Variants in GLRA2 observed in about 807,000 individuals in gnomAD.
The protein encoded by GLRA2 is glycine receptor subunit alpha-2.
GLRA2 carries 11 observed loss-of-function variants against 31.6 expected under a neutral mutation model. That is an observed-to-expected ratio of 0.35 (90% CI 0.22 to 0.58). The LOEUF is 0.58. Ranked by LOEUF, GLRA2 falls within the 20% of genes least tolerant of loss-of-function variation. GLRA2 has a pLI of 0.84. For missense variants in GLRA2, 212 were observed against 351.8 expected (o/e 0.60, Z 3.18); for synonymous variants, 132 against 134.0 (o/e 0.99, Z 0.10).
chrX:14,529,138 T>G (rs1224127853), upstream of GLRA2, among the ~76,000 whole-genome samples: 1 of 111,082 alleles, frequency 9.0e-6, no homozygotes, highest in Non-Finnish European at 1.9e-5. Context: ...AAGAGTGAAC[T>G]GTCCACACCC....
chrX:14,574,680 A>G (rs1000779937), intron 3 of GLRA2: 1 of 521,813 alleles, frequency 1.9e-6, no homozygotes, highest in African/African-American at 2.3e-5. Flanking sequence ...TCGCCTCTGA[A>G]AAGCAATAAT....
chrX:14,593,777 C>G (rs186476906), intron 4 of GLRA2, among the ~76,000 whole-genome samples: 4 of 113,094 alleles, frequency 3.5e-5, no homozygotes, highest in Admixed American at 1.9e-4. Context: ...CCCTTACCTT[C>G]CTTAACACAT....
At chrX:14,502,022 A>G in the GLRA2 span, among the ~76,000 whole-genome samples, 2 of 111,486 alleles carry the variant, frequency 1.8e-5, no homozygotes, top group African/African-American at 6.5e-5. Context: ...GACCCACTCC[A>G]ATAACCTCAT....
the GLRA2 span, among the ~76,000 whole-genome samples, chrX:14,499,888 G>T: frequency 1.5e-3 from 170 of 110,765 alleles, 2 homozygotes; most frequent in African/African-American, 4.9e-3. Flanking sequence ...AATTTATTCA[G>T]GTCTTTTGCC....
chrX:14,520,935 T>C, the GLRA2 span, among the ~76,000 whole-genome samples: 1 of 112,794 alleles, frequency 8.9e-6, no homozygotes, highest in Admixed American at 9.4e-5. Flanking sequence ...CATTTTTTAT[T>C]ACTATGCTTC....
intron 2 of GLRA2, among the ~76,000 whole-genome samples, chrX:14,569,807 AT>A (rs1334548362): frequency 5.3e-5 from 6 of 112,616 alleles, no homozygotes; most frequent in Non-Finnish European, 1.1e-4. Flanking sequence ...GTGTGTAAAT[AT>A]TCATTGCAGC....
chrX:14,644,659 G>A (rs2090810933), intron 7 of GLRA2, among the ~76,000 whole-genome samples: 1 of 111,421 alleles, frequency 9.0e-6, no homozygotes, highest in Admixed American at 9.5e-5. Context: ...TTTAGAGAAT[G>A]GATTTTATTG....
At position 14,531,239 on chromosome X, in the gene GLRA2, T is replaced by C. The variant is rs2089251440; in HGVS notation, c.69-1000T>C. On this transcript the variant is annotated intron_variant, in intron 1 of 8. Transcript: ENST00000218075. ...TCCTACAAAATATTTATATCATCTT[T>C]GCACTTATTTTGAATACCCCTTCTT... 39 of 637,733 alleles carry C rather than the reference T, an allele frequency of 6.1e-5. No individual in the cohort carries two copies. The South Asian group carries it at 9.6e-4, about 16-fold the overall frequency. 52.6% of individuals were successfully genotyped at this position (637,733 alleles called of 1,213,427 possible).
chrX:14,579,989 CT>C (rs1263127199), intron 3 of GLRA2, among the ~76,000 whole-genome samples: 3 of 111,563 alleles, frequency 2.7e-5, no homozygotes, highest in Non-Finnish European at 5.7e-5. Flanking sequence ...ATTTTTTTCC[CT>C]TTTGATCCTG....
At chrX:14,677,431 G>A (rs953566174) in intron 7 of GLRA2, among the ~76,000 whole-genome samples, 8 of 111,709 alleles carry the variant, frequency 7.2e-5, no homozygotes, top group Admixed American at 3.8e-4. Flanking sequence ...TGCATGAAGC[G>A]AAGACTAAAC....
At chrX:14,569,947 C>T (rs1244908751) in intron 2 of GLRA2, among the ~76,000 whole-genome samples, 1 of 112,231 alleles carries the variant, frequency 8.9e-6, no homozygotes, top group East Asian at 2.8e-4. Flanking sequence ...ATACATGCTA[C>T]AACATGGATG....
the GLRA2 span, among the ~76,000 whole-genome samples, chrX:14,452,758 A>G: frequency 8.9e-6 from 1 of 112,146 alleles, no homozygotes; most frequent in African/African-American, 3.2e-5. Flanking sequence ...GCTTAGTGAT[A>G]AGAGTATGCA....
intron 2 of GLRA2, among the ~76,000 whole-genome samples, chrX:14,572,179 C>T (rs1366124220): frequency 1.8e-5 from 2 of 112,076 alleles, no homozygotes; most frequent in Non-Finnish European, 3.8e-5. Flanking sequence ...AAGATAAAAA[C>T]GAATATATAA....
the GLRA2 span, among the ~76,000 whole-genome samples, chrX:14,451,707 T>C: frequency 1.1e-5 from 1 of 93,235 alleles, no homozygotes; most frequent in African/African-American, 4.0e-5. Flanking sequence ...GAGACCTAAC[T>C]ATATGCCGTC....
chrX:14,587,444 G>A (rs189702161), intron 4 of GLRA2, among the ~76,000 whole-genome samples: 2 of 112,283 alleles, frequency 1.8e-5, no homozygotes, highest in Admixed American at 9.4e-5. Flanking sequence ...CAGCCTTGCA[G>A]TATCTGTTGC....
At chrX:14,696,784 T>A (rs886825652) in intron 8 of GLRA2, among the ~76,000 whole-genome samples, 1 of 111,972 alleles carries the variant, frequency 8.9e-6, no homozygotes, top group Non-Finnish European at 1.9e-5. Context: ...TTAAAAGATG[T>A]TTTAGAGATG....
intron 7 of GLRA2, among the ~76,000 whole-genome samples, chrX:14,658,502 C>T (rs2090961364): frequency 8.9e-6 from 1 of 111,830 alleles, no homozygotes; most frequent in South Asian, 3.7e-4. Flanking sequence ...AGAGCTGTAT[C>T]CAATCCCACT....
the GLRA2 span, among the ~76,000 whole-genome samples, chrX:14,462,149 T>C: frequency 1.8e-5 from 2 of 112,186 alleles, no homozygotes; most frequent in Non-Finnish European, 3.8e-5. Context: ...TGAAAATTCT[T>C]TTCTTTAAGA....
chrX:14,511,608 T>C, the GLRA2 span, among the ~76,000 whole-genome samples: 1 of 112,136 alleles, frequency 8.9e-6, no homozygotes, highest in Non-Finnish European at 1.9e-5. Context: ...ATATTTTGCA[T>C]GTACTATTCA....
Sources: allele counts gnomAD v4.1 joint callset (sites outside exome capture counted in the v4.1 genomes callset), GRCh38; gene constraint gnomAD v4.1.1; transcripts MANE v1.5; gene names NCBI Gene and HGNC (gene_info 2026-07-23, HGNC 2026-07-21).